NHSL2: variants seen among roughly 807,000 people sequenced by gnomAD.
The protein encoded by NHSL2 is NHS like 2.
A neutral mutation model predicts 53.4 loss-of-function variants in NHSL2; 27 were observed. The observed-to-expected ratio is 0.51, with a 90% confidence interval of 0.37 to 0.70. NHSL2 has a LOEUF of 0.70. Ranked by LOEUF, NHSL2 falls within the 30% of genes least tolerant of loss-of-function variation. NHSL2 has a pLI of 0.00. For synonymous variants in NHSL2, 408 were observed against 404.1 expected (o/e 1.01, Z -0.12); for missense variants, 892 against 980.1 (o/e 0.91, Z 1.20).
chrX:71,911,498 T>C (rs2041602346), intron 1 of NHSL2, 131 bp downstream of exon 1: 1 of 556,539 alleles, frequency 1.8e-6, no homozygotes, highest in Non-Finnish European at 2.5e-6. Flanking sequence ...ATTCGGGGAG[T>C]GAGGGGATCC....
At chrX:72,056,550 G>GCACA (rs1491292782) in intron 1 of NHSL2, among the ~76,000 whole-genome samples, 1 of 105,749 alleles carries the variant, frequency 9.5e-6, no homozygotes, top group Admixed American at 9.8e-5. Flanking sequence ...TTTAACGTCT[G>GCACA]CGCACACACA....
At chrX:71,963,533 A>G (rs957235982) in intron 1 of NHSL2, among the ~76,000 whole-genome samples, 5 of 111,423 alleles carry the variant, frequency 4.5e-5, no homozygotes, top group African/African-American at 1.6e-4. Flanking sequence ...GTATAACTAC[A>G]TGCTGTCTCT....
At chrX:72,101,196 G>A (rs192457621) in intron 1 of NHSL2, among the ~76,000 whole-genome samples, 1 of 110,980 alleles carries the variant, frequency 9.0e-6, no homozygotes, top group Non-Finnish European at 1.9e-5. Context: ...TGTGCTCCTG[G>A]GCGGCAGTGG....
intron 7 of NHSL2, among the ~76,000 whole-genome samples, chrX:72,142,991 C>T (rs1359198537): frequency 9.0e-6 from 1 of 111,590 alleles, no homozygotes; most frequent in Admixed American, 9.5e-5. Context: ...TCCTGAAATT[C>T]GTCCTTGGTC....
chrX:72,077,407 G>A (rs903443030), intron 1 of NHSL2, among the ~76,000 whole-genome samples: 1 of 110,916 alleles, frequency 9.0e-6, no homozygotes, highest in Non-Finnish European at 1.9e-5. Flanking sequence ...GAGTCATGAT[G>A]CTCAGAGCCA....
chrX:72,147,596 G>A lies in NHSL2; in HGVS notation c.*4022G>A, dbSNP rs1464952915. On this transcript the variant is annotated 3_prime_UTR_variant, in exon 8 of 8. Transcript: ENST00000633930. ...GTTGATTTCTAAGTAATATGCTCCAGGTGGCAAGTTAACACCCATTTCAGC... is the reference window on the plus strand; with the variant it reads ...GTTGATTTCTAAGTAATATGCTCCAAGTGGCAAGTTAACACCCATTTCAGC... The A allele has an allele frequency of 8.9e-6, 1 of 111,817 alleles. No homozygotes were observed. The highest frequency in any genetic ancestry group is 2.8e-4 in the East Asian group (1 of 3,585). 9.2% of individuals were successfully genotyped at this position (111,817 alleles called of 1,213,427 possible).
At position 71,999,417 on chromosome X, in the gene NHSL2, C is replaced by T. The variant is rs774065981; in HGVS notation, c.280+88050C>T. Among the ~76,000 whole-genome samples, 8 of 112,024 alleles carry T rather than the reference C, an allele frequency of 7.1e-5. No individual in the cohort carries two copies. The South Asian group carries it at 2.9e-3, about 41-fold the overall frequency. ...GCTGGGGCTGGCTTGTAGTGGTTTG[C>T]GAGAATCAATTGTTAAATATTTAGG... On this transcript the variant is annotated intron_variant, in intron 1 of 7. Coordinates refer to ENST00000633930, the MANE Select transcript of NHSL2 (RefSeq NM_001013627.3).
chrX:72,148,341 A>G lies in NHSL2; in HGVS notation c.*4767A>G, dbSNP rs891932055. On this transcript the variant is annotated 3_prime_UTR_variant, in exon 8 of 8. Transcript: ENST00000633930. Reference sequence around the variant, plus strand: ...TGGAGGTACAACTTTACCTCCAATAAGCTTACCTTTACAAGCTTCTGCTTT... The same window carrying G: ...TGGAGGTACAACTTTACCTCCAATAGGCTTACCTTTACAAGCTTCTGCTTT... 3 of 111,449 alleles carry G rather than the reference A, an allele frequency of 2.7e-5. No individual in the cohort carries two copies. In the Admixed American group the frequency reaches 2.9e-4, roughly 11 times the overall value. The allele number at this position is 111,449 out of a possible 1,213,427, so 9.2% of individuals were successfully genotyped here.
chrX:71,956,533 TACA>T (rs2041843790), intron 1 of NHSL2, among the ~76,000 whole-genome samples: 1 of 111,464 alleles, frequency 9.0e-6, no homozygotes, highest in Non-Finnish European at 1.9e-5. Flanking sequence ...CTTTCTATGA[TACA>T]ACCTTTCTAA....
intron 1 of NHSL2, among the ~76,000 whole-genome samples, chrX:72,097,546 A>G (rs1350856590): frequency 4.5e-5 from 5 of 111,999 alleles, no homozygotes; most frequent in Non-Finnish European, 9.4e-5. Flanking sequence ...AGTGTAAAAG[A>G]AAATTTGGTA....
intron 1 of NHSL2, among the ~76,000 whole-genome samples, chrX:71,945,301 C>A (rs1270260648): frequency 8.9e-6 from 1 of 112,203 alleles, no homozygotes; most frequent in Non-Finnish European, 1.9e-5. Flanking sequence ...AGAGACTTGG[C>A]CTCTGTGGGC....
At chrX:72,059,783 T>A (rs897931759) in intron 1 of NHSL2, among the ~76,000 whole-genome samples, 2 of 111,796 alleles carry the variant, frequency 1.8e-5, no homozygotes, top group Non-Finnish European at 3.8e-5. Context: ...AAAGGAATAA[T>A]CTTAATGATA....
chrX:72,013,444 G>A (rs2042123695), intron 1 of NHSL2, among the ~76,000 whole-genome samples: 1 of 111,102 alleles, frequency 9.0e-6, no homozygotes, highest in Admixed American at 9.5e-5. Context: ...GATTCCTTGG[G>A]ATTTTCTATG....
At chrX:72,024,570 G>GCCT (rs1316481878) in intron 1 of NHSL2, among the ~76,000 whole-genome samples, 1 of 112,135 alleles carries the variant, frequency 8.9e-6, no homozygotes, top group Non-Finnish European at 1.9e-5. Flanking sequence ...ATGAGGACGG[G>GCCT]CACAGAGAGG....
intron 1 of NHSL2, among the ~76,000 whole-genome samples, chrX:72,007,201 G>A (rs2042098014): frequency 8.9e-6 from 1 of 112,459 alleles, no homozygotes; most frequent in Admixed American, 9.4e-5. Flanking sequence ...AAAGAAAGTG[G>A]GGGAGAGCAA....
intron 1 of NHSL2, among the ~76,000 whole-genome samples, chrX:71,935,995 C>G (rs1325686919): frequency 8.9e-6 from 1 of 112,092 alleles, no homozygotes; most frequent in African/African-American, 3.2e-5. Flanking sequence ...AGTCTGAAAG[C>G]CAGGTGTTGC....
At chrX:72,015,006 G>A (rs2042130021) in intron 1 of NHSL2, among the ~76,000 whole-genome samples, 3 of 110,767 alleles carry the variant, frequency 2.7e-5, no homozygotes, top group South Asian at 3.8e-4. Context: ...TTTTTCTGTG[G>A]TATTTGGCTA....
intron 1 of NHSL2, among the ~76,000 whole-genome samples, chrX:72,037,353 G>T (rs754377495): frequency 9.7e-4 from 107 of 110,598 alleles, no homozygotes; most frequent in African/African-American, 3.4e-3. Context: ...AACCCGGGAG[G>T]TGGAGCTTGC....
rs34361309 is a variant in NHSL2 at position 71,944,770 on chromosome X, A to G, written c.280+33403A>G. On this transcript the variant is annotated intron_variant, in intron 1 of 7. Coordinates refer to ENST00000633930, the MANE Select transcript of NHSL2 (RefSeq NM_001013627.3). Reference sequence around the variant, plus strand: ...TTTGCACCCAAAGAAAAAAATCTAGAAGAGGAAATTTCCAAAATCACATTG... The same window carrying G: ...TTTGCACCCAAAGAAAAAAATCTAGGAGAGGAAATTTCCAAAATCACATTG... Among the ~76,000 whole-genome samples the G allele has an allele frequency of 9.7e-3, 1,091 of 112,166 alleles. 52 individuals carry two copies. Among genetic ancestry groups the G allele is most frequent in the Admixed American group, 0.084 (893 of 10,574 alleles).
Sources: gnomAD v4.1 joint callset for allele counts (sites outside exome capture counted in the v4.1 genomes callset) on GRCh38, gnomAD v4.1.1 for gene constraint, MANE v1.5 for transcripts, NCBI Gene and HGNC (gene_info 2026-07-23, HGNC 2026-07-21) for gene names.